Variants in PIGK observed in about 807,000 individuals in gnomAD.
PIGK encodes GPI-anchor transamidase.
PIGK carries 42 observed loss-of-function variants against 50.6 expected under a neutral mutation model. The observed-to-expected ratio is 0.83, with a 90% CI of 0.65 to 1.07. PIGK has a LOEUF of 1.07. Ranked by LOEUF, PIGK falls within the 50% of genes least tolerant of loss-of-function variation. The pLI, the probability that PIGK is intolerant of heterozygous loss-of-function variation, is 0.00. For missense variants in PIGK, 448 were observed against 488.7 expected (o/e 0.92, Z 0.78); for synonymous variants, 151 against 156.0 (o/e 0.97, Z 0.24).
At chr1:77,143,492 G>A (rs1048208836) in intron 9 of PIGK, among the ~76,000 whole-genome samples, 7 of 151,718 alleles carry the variant, frequency 4.6e-5, no homozygotes, top group African/African-American at 1.7e-4. Context: ...CATTTACCAG[G>A]TCCATTTTTC....
At position 77,146,659 on chromosome 1, in the gene PIGK, T is replaced by C. The variant is rs185306244; in HGVS notation, c.986+7790A>G. ...AAAATACAAAAAAATTAGCCAGGCA[T>C]GGCAGCATGCACCTGTAGTCCCAGC... On this transcript the variant is annotated intron_variant, in intron 9 of 10. Coordinates refer to ENST00000370812, the MANE Select transcript of PIGK (RefSeq NM_005482.3). Among the ~76,000 whole-genome samples the C allele has an allele frequency of 2.7e-3, 415 of 152,180 alleles. 2 individuals carry two copies. The highest frequency in any genetic ancestry group is 8.1e-3 in the South Asian group (39 of 4,818).
chr1:77,169,498 T>C, intron 3 of PIGK, 103 bp from the exon 4 acceptor site: 1 of 882,656 alleles, frequency 1.1e-6, no homozygotes, highest in Non-Finnish European at 1.7e-6. Flanking sequence ...TTTCTCCTCC[T>C]TAAAAAAAAA....
intron 3 of PIGK, among the ~76,000 whole-genome samples, chr1:77,186,266 T>TG (rs1460875899): frequency 6.6e-6 from 1 of 152,192 alleles, no homozygotes; most frequent in African/African-American, 2.4e-5. Context: ...GCACAATATG[T>TG]GGGCACCACC....
At chr1:77,215,864 A>C (rs1017170712) in intron 1 of PIGK, among the ~76,000 whole-genome samples, 4 of 152,176 alleles carry the variant, frequency 2.6e-5, no homozygotes. Context: ...TAATTTCAAT[A>C]TCACCCAGAT....
chr1:77,148,505 C>T (rs1418584128), intron 9 of PIGK, among the ~76,000 whole-genome samples: 3 of 152,098 alleles, frequency 2.0e-5, no homozygotes, highest in Non-Finnish European at 4.4e-5. Flanking sequence ...TGTGCTAATA[C>T]ATACAAATAA....
chr1:77,117,134 C>T (rs966106411), intron 10 of PIGK, among the ~76,000 whole-genome samples: 4 of 152,160 alleles, frequency 2.6e-5, no homozygotes. Flanking sequence ...ACACAATTGT[C>T]ACCTCAGGAT....
At chr1:77,108,181 G>A (rs2100516741) in intron 10 of PIGK, among the ~76,000 whole-genome samples, 1 of 152,266 alleles carries the variant, frequency 6.6e-6, no homozygotes, top group Admixed American at 6.5e-5. Context: ...TTTCTTCTTA[G>A]CATCGATGGT....
intron 9 of PIGK, among the ~76,000 whole-genome samples, chr1:77,126,986 G>A (rs574696872): frequency 1.2e-4 from 18 of 151,948 alleles, no homozygotes; most frequent in Non-Finnish European, 2.2e-4. Context: ...TTTCTACATG[G>A]AAAAAGCTGT....
chr1:77,150,944 A>G (rs946890618), intron 9 of PIGK, among the ~76,000 whole-genome samples: 10 of 152,194 alleles, frequency 6.6e-5, no homozygotes, highest in African/African-American at 1.9e-4. Flanking sequence ...AAGTCTACTC[A>G]AACTATTTCA....
chr1:77,134,731 C>T (rs1250880689), intron 9 of PIGK, among the ~76,000 whole-genome samples: 2 of 152,084 alleles, frequency 1.3e-5, no homozygotes, highest in Non-Finnish European at 1.5e-5. Flanking sequence ...TTTAATCTGC[C>T]TTTCCTAATT....
chr1:77,115,560 C>A (rs940838485), intron 10 of PIGK, among the ~76,000 whole-genome samples: 1 of 151,976 alleles, frequency 6.6e-6, no homozygotes, highest in Non-Finnish European at 1.5e-5. Context: ...AAAGAACTGT[C>A]CCATCCAAAT....
chr1:77,219,362 A>G lies in PIGK; in HGVS notation c.41T>C (p.Leu14Ser), dbSNP rs771138715. The G allele has an allele frequency of 7.4e-6, 12 of 1,613,734 alleles. No individual in the cohort carries two copies. The highest frequency in any genetic ancestry group is 8.5e-7 in the Non-Finnish European group (1 of 1,179,840). ...GAAGGACAAGAGCAACACAGTTGCCAAGACAGTCGCAGCCCGGCTGAGGCT... is the reference window on the plus strand; with the variant it reads ...GAAGGACAAGAGCAACACAGTTGCCGAGACAGTCGCAGCCCGGCTGAGGCT... ...TDSLSRAATV[L>S]ATVLLLSFGS... The change falls in exon 1 of 11, where the codon TTG (leucine) becomes TCG (serine). Residue 14 changes from leucine to serine, a missense_variant. Transcript: ENST00000370812.
At chr1:77,107,719 AG>A (rs1653722630) in intron 10 of PIGK, among the ~76,000 whole-genome samples, 1 of 152,020 alleles carries the variant, frequency 6.6e-6, no homozygotes, top group Non-Finnish European at 1.5e-5. Context: ...ATTGTGTGGG[AG>A]TCTAAGTCTC....
At chr1:77,173,959 C>T (rs573686196) in intron 3 of PIGK, among the ~76,000 whole-genome samples, 8 of 152,278 alleles carry the variant, frequency 5.3e-5, no homozygotes, top group Middle Eastern at 3.4e-3. Context: ...TAGCTAGCTC[C>T]GAAAATTATC....
chr1:77,104,372 TTAAA>T (rs1387341699), intron 10 of PIGK, among the ~76,000 whole-genome samples: 7 of 151,782 alleles, frequency 4.6e-5, no homozygotes, highest in Non-Finnish European at 8.8e-5. Context: ...AATAGAATAT[TTAAA>T]TAAGACACAT....
intron 10 of PIGK, among the ~76,000 whole-genome samples, chr1:77,097,438 G>A (rs941298390): frequency 2.6e-5 from 4 of 152,214 alleles, no homozygotes; most frequent in East Asian, 1.9e-4. Context: ...TGTTGCGCCC[G>A]TGCTGGAGAA....
chr1:77,209,989 T>C (rs1656379883), intron 2 of PIGK, among the ~76,000 whole-genome samples: 1 of 152,070 alleles, frequency 6.6e-6, no homozygotes, highest in Non-Finnish European at 1.5e-5. Context: ...ACAAAATTAG[T>C]CTGCCTTCTT....
At chr1:77,202,925 C>A (rs1248352046) in intron 3 of PIGK, among the ~76,000 whole-genome samples, 3 of 152,172 alleles carry the variant, frequency 2.0e-5, no homozygotes, top group Non-Finnish European at 4.4e-5. Context: ...ATACTAAATG[C>A]ATTTATTCCC....
At chr1:77,136,477 C>T (rs752487830) in intron 9 of PIGK, among the ~76,000 whole-genome samples, 2 of 139,246 alleles carry the variant, frequency 1.4e-5, no homozygotes, top group Non-Finnish European at 3.0e-5. Flanking sequence ...TGCAGTGAGC[C>T]GAGATCCCGC....
Sources: allele counts gnomAD v4.1 joint callset (sites outside exome capture counted in the v4.1 genomes callset), GRCh38; gene constraint gnomAD v4.1.1; transcripts MANE v1.5; gene names NCBI Gene and HGNC (gene_info 2026-07-23, HGNC 2026-07-21).